Variants in POPDC2 observed in about 807,000 individuals in gnomAD.
POPDC2 encodes the protein popeye domain-containing protein 2.
POPDC2 carries 24 observed loss-of-function variants against 30.5 expected under a neutral mutation model. That is an observed-to-expected ratio of 0.79 (90% CI 0.57 to 1.11). The LOEUF is 1.11. POPDC2 is among the 50% of genes least tolerant of loss of function. The pLI, the probability that POPDC2 is intolerant of heterozygous loss-of-function variation, is 0.00. For synonymous variants in POPDC2, 185 were observed against 183.3 expected, an observed-to-expected ratio of 1.01 and a Z score of -0.07; for missense variants, 409 against 447.0, an observed-to-expected ratio of 0.91 and a Z score of 0.77.
At chr3:119,653,695 T>G (rs2052844100) in intron 2 of POPDC2, among the ~76,000 whole-genome samples, 2 of 152,144 alleles carry the variant, frequency 1.3e-5, no homozygotes, top group South Asian at 4.1e-4. Context: ...GCCAGGATGG[T>G]CTCGATCTCC....
chr3:119,658,906 T>A (rs566575671), intron 1 of POPDC2, among the ~76,000 whole-genome samples: 1 of 128,902 alleles, frequency 7.8e-6, no homozygotes. Flanking sequence ...GGCAGTATTA[T>A]CTGGATTTGC....
chr3:119,645,579 A>AG (rs1033354918), intron 3 of POPDC2, among the ~76,000 whole-genome samples: 1 of 151,606 alleles, frequency 6.6e-6, no homozygotes, highest in Non-Finnish European at 1.5e-5. Context: ...AAAAAAAAAA[A>AG]AAAAGAAAGA....
chr3:119,655,896 G>A (rs1052216728), intron 1 of POPDC2, among the ~76,000 whole-genome samples: 1 of 152,112 alleles, frequency 6.6e-6, no homozygotes, highest in Non-Finnish European at 1.5e-5. Context: ...CTAACCGTAG[G>A]TGACAATAAC....
At position 119,642,262 on chromosome 3, in the gene POPDC2, C is replaced by T; in HGVS notation, c.*343G>A. On this transcript the variant is annotated 3_prime_UTR_variant, in exon 4 of 4. Coordinates refer to ENST00000493094, the MANE Select transcript of POPDC2 (RefSeq NM_001369919.2). ...GGACGGAATCTGTGCCTCTGCACTA[C>T]CAATGCCTGCTCCTGAAGGAAGGTT... 2.4e-6 allele frequency: 1 copy of T among 422,060 alleles called. No individual in the cohort carries two copies. Among genetic ancestry groups the T allele is most frequent in the East Asian group, 3.9e-5 (1 of 25,520 alleles). The allele number at this position is 422,060 out of a possible 1,614,324, so 26.1% of individuals were successfully genotyped here. A position where few individuals can be genotyped will look rare whatever the true frequency, so the allele number is the denominator to read the frequency against.
intron 1 of POPDC2, chr3:119,654,845 C>G: frequency 2.0e-6 from 1 of 489,548 alleles, no homozygotes; most frequent in Admixed American, 3.6e-5. Flanking sequence ...CTTCTCCTTA[C>G]TGGTGGTTCT....
chr3:119,651,834 C>G (rs2052814990), intron 2 of POPDC2, among the ~76,000 whole-genome samples: 1 of 152,166 alleles, frequency 6.6e-6, no homozygotes, highest in African/African-American at 2.4e-5. Context: ...TGGGGTTTCA[C>G]CATGTTGGCC....
chr3:119,660,076 G>A lies in POPDC2; in HGVS notation c.348C>T (p.Cys116=). 6.2e-7 allele frequency: 1 copy of A among 1,614,216 alleles called. No individual in the cohort carries two copies. Among genetic ancestry groups the A allele is most frequent in the Non-Finnish European group, 8.5e-7 (1 of 1,180,044 alleles). ...EEFDLLYKTL[C]LPLQVPLQTY... is the part of the protein sequence containing the mutation. The stretch of plus-strand genomic sequence containing the variant: ...TCTGTAGGGGCACCTGCAAGGGCAG[G>A]CACAGCGTCTTGTAGAGGAGGTCAA... Residue 116 remains cysteine (C), a synonymous_variant, in exon 1 of 4, where the codon TGC becomes TGT. Transcript: ENST00000493094.
At chr3:119,657,659 G>A (rs372906712) in intron 1 of POPDC2, among the ~76,000 whole-genome samples, 6 of 152,214 alleles carry the variant, frequency 3.9e-5, no homozygotes, top group Admixed American at 6.5e-5. Context: ...CTCCTTAGGC[G>A]AGGATTTCGG....
intron 3 of POPDC2, chr3:119,643,470 A>AG: frequency 2.3e-5 from 31 of 1,357,802 alleles, no homozygotes; most frequent in Non-Finnish European, 2.8e-5. Context: ...AAAGAGAAAG[A>AG]AAGAGAGAGA....
At chr3:119,650,261 C>A (rs1360113219) in intron 2 of POPDC2, among the ~76,000 whole-genome samples, 4 of 152,168 alleles carry the variant, frequency 2.6e-5, no homozygotes, top group Non-Finnish European at 4.4e-5. Flanking sequence ...TAAAATAAAA[C>A]AAAATTTTAC....
chr3:119,642,358 T>C lies in POPDC2; in HGVS notation c.*247A>G. On this transcript the variant is annotated 3_prime_UTR_variant, in exon 4 of 4. Coordinates refer to ENST00000493094, the MANE Select transcript of POPDC2 (RefSeq NM_001369919.2). ...GACAGTGTTGGCACCTTCTGTGTCC[T>C]CTCTCACCTTGCCTGTGAGCCTTCC... is the stretch of plus-strand genomic sequence containing the variant. The C allele has an allele frequency of 1.4e-6, 1 of 716,142 alleles. No homozygotes were observed. The highest frequency in any genetic ancestry group is 2.5e-6 in the Non-Finnish European group (1 of 406,570). 44.4% of individuals were successfully genotyped at this position (716,142 alleles called of 1,614,324 possible).
At chr3:119,644,328 G>T (rs555615499) in intron 3 of POPDC2, among the ~76,000 whole-genome samples, 1 of 152,202 alleles carries the variant, frequency 6.6e-6, no homozygotes, top group Non-Finnish European at 1.5e-5. Flanking sequence ...CCTCGGAGCT[G>T]CATTTCTAGA....
chr3:119,660,665 T>TCCTCCCCCCCA (rs1170255192), upstream of POPDC2: 4 of 132,466 alleles, frequency 3.0e-5, no homozygotes, highest in African/African-American at 9.4e-5. Flanking sequence ...TCCCCCCCTC[T>TCCTCCCCCCCA]CTCCTCCCCA....
chr3:119,655,758 C>T (rs2052872652), intron 1 of POPDC2, among the ~76,000 whole-genome samples: 1 of 152,180 alleles, frequency 6.6e-6, no homozygotes, highest in Non-Finnish European at 1.5e-5. Flanking sequence ...GAGCTTAAGG[C>T]TACATAGCGA....
intron 3 of POPDC2, 29 bp from the exon 4 acceptor site, chr3:119,642,590 A>G: frequency 6.9e-7 from 1 of 1,450,206 alleles, no homozygotes; most frequent in Non-Finnish European, 9.7e-7. Flanking sequence ...GGAGGATTTT[A>G]GCACTATGTC....
In POPDC2 at chr3:119,642,174, C is replaced by G; in HGVS notation, c.*431G>C. ...CCTGTGAGGTGGGTTTCATAACCCC[C>G]ACTGTTTACCGATGAGGCTCACAGA... On this transcript the variant is annotated 3_prime_UTR_variant, in exon 4 of 4. Transcript: ENST00000493094. 4.6e-6 allele frequency: 1 copy of G among 216,432 alleles called. No individual in the cohort carries two copies. Among genetic ancestry groups the G allele is most frequent in the Non-Finnish European group, 9.4e-6 (1 of 106,592 alleles). The allele number at this position is 216,432 out of a possible 1,614,324, so 13.4% of individuals were successfully genotyped here. A position where few individuals can be genotyped will look rare whatever the true frequency, so the allele number is the denominator to read the frequency against.
rs1043650196 is a variant in POPDC2, at chr3:119,648,110, A to C, written c.*43+9T>G. On this transcript the variant is annotated intron_variant, in intron 3 of 3. Transcript: ENST00000493094. ...AGGAATGTGCAGCGGCTGCCTTCTG[A>C]GTACTTACATAGGATCCTGAGCCGG... 6.9e-7 allele frequency: 1 copy of C among 1,444,808 alleles called. No individual in the cohort carries two copies. Among genetic ancestry groups the C allele is most frequent in the Non-Finnish European group, 9.1e-7 (1 of 1,099,066 alleles). The allele number at this position is 1,444,808 out of a possible 1,614,324, so 89.5% of individuals were successfully genotyped here.
chr3:119,645,395 T>C (rs2052734391), intron 3 of POPDC2, among the ~76,000 whole-genome samples: 1 of 152,020 alleles, frequency 6.6e-6, no homozygotes, highest in African/African-American at 2.4e-5. Flanking sequence ...ACCCTGTCTC[T>C]ACTAAAAATA....
At chr3:119,653,748 A>G (rs2107820387) in intron 2 of POPDC2, among the ~76,000 whole-genome samples, 1 of 152,306 alleles carries the variant, frequency 6.6e-6, no homozygotes, top group East Asian at 1.9e-4. Flanking sequence ...AAGTGCTGGG[A>G]TTACAGGCGT....
Sources: gnomAD v4.1 joint callset for allele counts (sites outside exome capture counted in the v4.1 genomes callset) on GRCh38, gnomAD v4.1.1 for gene constraint, MANE v1.5 for transcripts, NCBI Gene and HGNC (gene_info 2026-07-23, HGNC 2026-07-21) for gene names.